Variants in NEDD9 observed in about 807,000 individuals in gnomAD.
NEDD9 encodes neural precursor cell expressed, developmentally down-regulated 9.
A neutral mutation model predicts 76.6 loss-of-function variants in NEDD9; 26 were observed. The observed-to-expected ratio is 0.34, with a 90% CI of 0.25 to 0.47. NEDD9 has a LOEUF of 0.47. Among genes scored for constraint, NEDD9 ranks in the 20% least tolerant of loss-of-function variants. The pLI is 1.00. For synonymous variants in NEDD9, 392 were observed against 414.2 expected (o/e 0.95, Z 0.65); for missense variants, 937 against 1,058.5 (o/e 0.89, Z 1.59).
In NEDD9 at chr6:11,198,315, G is replaced by A. The variant is rs1349941223; in HGVS notation, c.460-4623C>T. On this transcript the variant is annotated intron_variant, in intron 2 of 6. Coordinates refer to ENST00000379446, the MANE Select transcript of NEDD9 (RefSeq NM_006403.4). The surrounding 1 kb of genome is among the most constrained non-coding windows in gnomAD (Gnocchi z 4.7). ...CCCTCCTTCCTCTTGGAAATCTTCT[G>A]AAGGCAGGGCCCCCAGGCTCTGCAC... is the stretch of plus-strand genomic sequence containing the variant. 6.6e-6 allele frequency: 1 copy of A among 152,130 alleles called. No homozygotes were observed. Among genetic ancestry groups the A allele is most frequent in the African/African-American group, 2.4e-5 (1 of 41,396 alleles). The allele number at this position is 152,130 out of a possible 1,614,324, so 9.4% of individuals were successfully genotyped here. A position where few individuals can be genotyped will look rare whatever the true frequency, so the allele number is the denominator to read the frequency against.
chr6:11,319,458 A>G (rs1298563036), intron 2 of NEDD9, among the ~76,000 whole-genome samples: 1 of 151,238 alleles, frequency 6.6e-6, no homozygotes, highest in East Asian at 1.9e-4. Context: ...GTACACACAC[A>G]CTGGTACACA....
chr6:11,289,259 T>C (rs1760712690), intron 3 of NEDD9, among the ~76,000 whole-genome samples: 1 of 152,258 alleles, frequency 6.6e-6, no homozygotes, highest in African/African-American at 2.4e-5. Flanking sequence ...TCTTCCACTG[T>C]ACTCTTTTAT....
intron 1 of NEDD9, among the ~76,000 whole-genome samples, chr6:11,366,298 A>AGAAGGAAGGAAGGAAGGAAGGAAGGAAG (rs1762765262): frequency 1.1e-5 from 1 of 94,870 alleles, no homozygotes; most frequent in African/African-American, 4.7e-5. Context: ...AAGGAAGGAA[A>AGAAGGAAGGAAGGAAGGAAGGAAGGAAG]GAAAGAAAGA....
At chr6:11,296,852 C>T (rs555978619) in intron 3 of NEDD9, among the ~76,000 whole-genome samples, 15 of 152,276 alleles carry the variant, frequency 9.9e-5, no homozygotes, top group East Asian at 7.7e-4. Flanking sequence ...CCTCAGCCTC[C>T]GGAGTAGCTG....
intron 1 of NEDD9, among the ~76,000 whole-genome samples, chr6:11,230,220 A>T (rs1305004563): frequency 1.3e-5 from 2 of 152,202 alleles, no homozygotes; most frequent in Non-Finnish European, 2.9e-5. Context: ...CTTGGGATGA[A>T]ATAGTCTTAA....
At chr6:11,236,881 TCTGAACCCACC>T (rs1759614146), upstream of NEDD9, among the ~76,000 whole-genome samples, 1 of 152,082 alleles carries the variant, frequency 6.6e-6, no homozygotes, top group East Asian at 1.9e-4. This position sits in a 1 kb window ranked among gnomAD's most constrained non-coding sequence, Gnocchi z 5.5. Flanking sequence ...TGGACCACCA[TCTGAACCCACC>T]CTTTCTTTCT....
chr6:11,321,259 C>T (rs371631748), intron 2 of NEDD9, among the ~76,000 whole-genome samples: 1 of 151,768 alleles, frequency 6.6e-6, no homozygotes, highest in Non-Finnish European at 1.5e-5. Flanking sequence ...TGGCTCTTTC[C>T]TGAAGCTACA....
Position 11,185,230 on chromosome 6 carries a change from G to T in NEDD9, c.2437C>A (p.Gln813Lys). Residue 813 changes from glutamine (Q) to lysine (K), a missense_variant, in exon 7 of 7, where the codon CAA becomes AAA. Transcript: ENST00000379446. ...STTALQEMVH[Q>K]VTDLSRNAQL... is the part of the protein sequence containing the mutation. ...GCATTTCTAGAAAGGTCTGTCACTTGGTGCACCATTTCCTGCAGGGCCGTG... is the reference window on the plus strand; with the variant it reads ...GCATTTCTAGAAAGGTCTGTCACTTTGTGCACCATTTCCTGCAGGGCCGTG... The T allele has an allele frequency of 6.2e-7, 1 of 1,614,116 alleles. No homozygotes were observed.
upstream of NEDD9, among the ~76,000 whole-genome samples, chr6:11,236,775 A>T (rs1171224081): frequency 2.0e-5 from 3 of 152,176 alleles, no homozygotes; most frequent in South Asian, 6.2e-4. The surrounding 1 kb of genome is among the most constrained non-coding windows in gnomAD (Gnocchi z 5.5). Context: ...TACGTGTTTA[A>T]TTCCTGGAAT....
At chr6:11,335,245 C>T (rs6940151) in intron 1 of NEDD9, among the ~76,000 whole-genome samples, 103,877 of 152,096 alleles carry the variant, frequency 0.68, 36,577 homozygotes, top group African/African-American at 0.86. Context: ...CAACGAGTGA[C>T]GACCAGGTGA....
chr6:11,191,013 C>T lies in NEDD9; in HGVS notation c.856G>A (p.Ala286Thr), dbSNP rs889459709. The T allele has an allele frequency of 6.2e-7, 1 of 1,614,036 alleles. No individual in the cohort carries two copies. Among genetic ancestry groups the T allele is most frequent in the Non-Finnish European group, 8.5e-7 (1 of 1,180,032 alleles). Residue 286 changes from alanine (A) to threonine (T), a missense_variant, in exon 5 of 7, where the codon GCT becomes ACT. By Grantham distance (58) the Ala-to-Thr change is moderately conservative (BLOSUM62 0). Coordinates refer to ENST00000379446, the MANE Select transcript of NEDD9 (RefSeq NM_006403.4). ...TGCCTTCGAGCCACCGGTTCTGCAGCTCCTGGAATGTCACAGTTGTATTTT... is the reference window on the plus strand; with the variant it reads ...TGCCTTCGAGCCACCGGTTCTGCAGTTCCTGGAATGTCACAGTTGTATTTT... The part of the protein sequence containing the change: ...HVKYNCDIPG[A>T]AEPVARRHQS...
chr6:11,261,458 C>T (rs144718364), intron 3 of NEDD9, among the ~76,000 whole-genome samples: 42 of 152,268 alleles, frequency 2.8e-4, no homozygotes, highest in African/African-American at 8.9e-4. Context: ...ACTATCCTCC[C>T]ATATTTCTGT....
chr6:11,216,562 C>T (rs1485954881), intron 1 of NEDD9, among the ~76,000 whole-genome samples: 2 of 152,330 alleles, frequency 1.3e-5, no homozygotes, highest in Middle Eastern at 3.4e-3. Context: ...ATCCTTGTTA[C>T]TGGGCTCAGT....
intron 3 of NEDD9, among the ~76,000 whole-genome samples, chr6:11,244,026 G>A (rs151089349): frequency 6.6e-6 from 1 of 152,276 alleles, no homozygotes; most frequent in Non-Finnish European, 1.5e-5. Flanking sequence ...AGTAGACTTT[G>A]AGTAAAGTAG....
chr6:11,379,570 C>T (rs1187181557), intron 1 of NEDD9, among the ~76,000 whole-genome samples: 1 of 151,928 alleles, frequency 6.6e-6, no homozygotes, highest in East Asian at 1.9e-4. Flanking sequence ...CAGAGTGAGA[C>T]TTTGTCTCAA....
In NEDD9 at chr6:11,313,465, A is replaced by G. The variant is rs141283858; in HGVS notation, c.-152-7310T>C. On this transcript the variant is annotated intron_variant, in intron 2 of 3. Transcript: ENST00000397378. Reference sequence around the variant, plus strand: ...GATGAATGGAATGATGGATGGATGGATATATGAGTGGGTAGATAGATGGAT... The same window carrying G: ...GATGAATGGAATGATGGATGGATGGGTATATGAGTGGGTAGATAGATGGAT... 5.8e-4 allele frequency among the ~76,000 whole-genome samples: 78 copies of G among 134,978 alleles called. 4 individuals are homozygous for G. The highest frequency in any genetic ancestry group is 1.9e-3 in the African/African-American group (72 of 37,088). 88.6% of individuals were successfully genotyped at this position (134,978 alleles called of 152,430 possible).
chr6:11,292,812 C>T (rs1760806191), intron 3 of NEDD9, among the ~76,000 whole-genome samples: 1 of 152,176 alleles, frequency 6.6e-6, no homozygotes, highest in Admixed American at 6.5e-5. Context: ...CAAATGTCCT[C>T]AGGCATCCTC....
chr6:11,259,535 C>G (rs1760064489), intron 3 of NEDD9, among the ~76,000 whole-genome samples: 1 of 152,192 alleles, frequency 6.6e-6, no homozygotes, highest in Non-Finnish European at 1.5e-5. Flanking sequence ...ATAATTTAAT[C>G]TGAGTGCTCT....
At chr6:11,249,400 C>A (rs1212714930) in intron 3 of NEDD9, among the ~76,000 whole-genome samples, 1 of 152,208 alleles carries the variant, frequency 6.6e-6, no homozygotes, top group African/African-American at 2.4e-5. Flanking sequence ...GCTTTGAAAT[C>A]CTCAGTACAA....
Sources: allele counts gnomAD v4.1 joint callset (sites outside exome capture counted in the v4.1 genomes callset), GRCh38; gene constraint gnomAD v4.1.1; non-coding constraint Gnocchi (gnomAD v3.1); transcripts MANE v1.5; gene names NCBI Gene and HGNC (gene_info 2026-07-23, HGNC 2026-07-21).